The following MEIS2 variants were observed in gnomAD, a reference collection of about 807,000 sequenced individuals.
MEIS2 encodes the protein homeobox protein Meis2.
A neutral mutation model predicts 58.6 loss-of-function variants in MEIS2; 9 were observed. The observed-to-expected ratio is 0.15, with a 90% CI of 0.09 to 0.27. The LOEUF (loss-of-function observed/expected upper bound fraction) is 0.27. Among genes scored for constraint, MEIS2 ranks in the 10% least tolerant of loss-of-function variants. The pLI, the probability that MEIS2 is intolerant of heterozygous loss-of-function variation, is 1.00. For missense variants in MEIS2, 427 were observed against 635.0 expected (o/e 0.67, Z 3.52); for synonymous variants, 221 against 228.4 (o/e 0.97, Z 0.29).
chr15:37,088,026 A>G (rs1048662741), intron 6 of MEIS2, among the ~76,000 whole-genome samples: 8 of 152,218 alleles, frequency 5.3e-5, no homozygotes, highest in African/African-American at 1.9e-4. Context: ...TGAAAAGGCA[A>G]TGCAGTGGAC....
intron 8 of MEIS2, among the ~76,000 whole-genome samples, chr15:36,983,934 C>A (rs1054252259): frequency 2.6e-5 from 4 of 151,628 alleles, no homozygotes; most frequent in Admixed American, 6.6e-5. Context: ...ATTTCTTTCT[C>A]TGTTCCTTGT....
chr15:37,022,801 C>T (rs568981392), intron 8 of MEIS2, among the ~76,000 whole-genome samples: 21 of 152,126 alleles, frequency 1.4e-4, no homozygotes, highest in South Asian at 8.3e-4. Context: ...GGACTACAGG[C>T]GCCTGCCAGA....
intron 8 of MEIS2, among the ~76,000 whole-genome samples, chr15:36,965,226 A>G (rs1255313966): frequency 6.6e-6 from 1 of 152,210 alleles, no homozygotes; most frequent in African/African-American, 2.4e-5. Context: ...AACTTTGGAT[A>G]TGAAAACATT....
At chr15:37,016,314 T>C (rs1013394254) in intron 8 of MEIS2, among the ~76,000 whole-genome samples, 1 of 141,768 alleles carries the variant, frequency 7.1e-6, no homozygotes, top group Non-Finnish European at 1.5e-5. Flanking sequence ...CAGTTTTTGT[T>C]CTTTTTTCTA....
rs945635457 is a variant in MEIS2, at chr15:36,897,900, T to A, written c.978-1214A>T. ...TGAAATTAGCCAGAAAAATTCAGTG[T>A]GTGCTGGCAGCTCTGTGTTCCGAGG... On this transcript the variant is annotated intron_variant, in intron 9 of 11. Coordinates refer to ENST00000561208, the MANE Select transcript of MEIS2 (RefSeq NM_170675.5). The A allele has an allele frequency of 2.1e-4, 32 of 152,188 alleles. 1 individual carries two copies. Among genetic ancestry groups the A allele is most frequent in the Non-Finnish European group, 2.9e-5 (2 of 68,050 alleles). The allele number at this position is 152,188 out of a possible 1,614,324, so 9.4% of individuals were successfully genotyped here. A position where few individuals can be genotyped will look rare whatever the true frequency, so the allele number is the denominator to read the frequency against.
intron 8 of MEIS2, among the ~76,000 whole-genome samples, chr15:36,984,333 T>C (rs2060026755): frequency 6.6e-6 from 1 of 152,068 alleles, no homozygotes; most frequent in Non-Finnish European, 1.5e-5. Flanking sequence ...TACTTCTTCT[T>C]TATCTACTGA....
At chr15:37,091,259 C>A (rs1251105597) in intron 6 of MEIS2, among the ~76,000 whole-genome samples, 1 of 152,110 alleles carries the variant, frequency 6.6e-6, no homozygotes, top group East Asian at 1.9e-4. Flanking sequence ...ACCTATGGTA[C>A]AAAAGTCTCA....
Position 37,085,131 on chromosome 15 carries a change from CCAAT to C in MEIS2, c.640-1250_640-1247del, listed in dbSNP as rs5811965. On this transcript the variant is annotated intron_variant, in intron 6 of 11. Transcript: ENST00000561208. The stretch of plus-strand genomic sequence containing the variant: ...CCAATCGAAGTATACAAATTATACA[CCAAT>C]CAAAGTATACAAAGTATATCACTAA... Among the ~76,000 whole-genome samples, 363 of 151,932 alleles carry C rather than the reference CCAAT, an allele frequency of 2.4e-3. 3 individuals are homozygous for C. Among genetic ancestry groups the C allele is most frequent in the African/African-American group, 8.4e-3 (347 of 41,416 alleles).
chr15:36,892,246 G>A lies in MEIS2; in HGVS notation c.1361C>T (p.Ala454Val), dbSNP rs763133151. 3.1e-6 allele frequency: 5 copies of A among 1,614,132 alleles called. No homozygotes were observed. In the South Asian group the frequency reaches 4.4e-5, roughly 14 times the overall value. Reference protein sequence around the residue: ...PPTHPGMTMSAQSPTMLNSVD... With the variant: ...PPTHPGMTMSVQSPTMLNSVD... ...AGAATTTAACATTGTGGGGCTCTGT[G>A]CTGACATAGTCATTCCAGGGTGGGT... The change falls in exon 12 of 12, where the codon GCA (alanine) becomes GTA (valine). Residue 454 changes from alanine (A) to valine (V), a missense_variant. Transcript: ENST00000561208.
At chr15:36,986,827 T>C (rs1178925321) in intron 8 of MEIS2, among the ~76,000 whole-genome samples, 1 of 152,232 alleles carries the variant, frequency 6.6e-6, no homozygotes, top group Admixed American at 6.5e-5. Context: ...AATGTCCCTT[T>C]CACCAAATGC....
Position 37,029,802 on chromosome 15 carries a change from G to T in MEIS2, c.900+7012C>A, listed in dbSNP as rs563827063. Among the ~76,000 whole-genome samples, 40 of 152,278 alleles carry T rather than the reference G, an allele frequency of 2.6e-4. No individual in the cohort carries two copies. The South Asian group carries it at 8.3e-3, about 32-fold the overall frequency. On this transcript the variant is annotated intron_variant, in intron 8 of 11. Transcript: ENST00000561208. The stretch of plus-strand genomic sequence containing the variant: ...TGATGGTAAGAAATAGGTTCAGAGA[G>T]GTTGAATAATATCACAGAGTTCACA...
chr15:37,069,031 G>A (rs1258956132), intron 7 of MEIS2, among the ~76,000 whole-genome samples: 9 of 152,088 alleles, frequency 5.9e-5, no homozygotes, highest in South Asian at 2.1e-4. Context: ...CATTATTTTT[G>A]CTGTAATTTT....
At chr15:37,007,214 G>A (rs1447871638) in intron 8 of MEIS2, among the ~76,000 whole-genome samples, 1 of 152,132 alleles carries the variant, frequency 6.6e-6, no homozygotes, top group Non-Finnish European at 1.5e-5. Flanking sequence ...TTTGCTAGAG[G>A]CTTCTGGGAA....
intron 8 of MEIS2, among the ~76,000 whole-genome samples, chr15:37,020,150 A>T (rs2061475507): frequency 3.9e-5 from 6 of 152,240 alleles, no homozygotes; most frequent in Admixed American, 2.6e-4. Context: ...GCTCGCTGTG[A>T]ATTATGAATC....
At chr15:37,045,441 C>T (rs1305249133) in intron 7 of MEIS2, among the ~76,000 whole-genome samples, 1 of 151,474 alleles carries the variant, frequency 6.6e-6, no homozygotes, top group East Asian at 1.9e-4. Flanking sequence ...TTTAGGGCAC[C>T]CCACTGAGAA....
At chr15:36,994,803 T>G (rs1377164610) in intron 8 of MEIS2, among the ~76,000 whole-genome samples, 1 of 152,198 alleles carries the variant, frequency 6.6e-6, no homozygotes, top group Non-Finnish European at 1.5e-5. Context: ...CCTTTTAAAG[T>G]GCGTTTTTTC....
Position 37,036,816 on chromosome 15 carries a change from T to C in MEIS2, c.898A>G (p.Thr300Ala). Residue 300 changes from threonine (T) to alanine (A), a missense_variant and splice_region_variant, in exon 8 of 12, where the codon ACA (threonine) becomes GCA (alanine). Coordinates refer to ENST00000561208, the MANE Select transcript of MEIS2 (RefSeq NM_170675.5). ...IMRAWLFQHL[T>A]HPYPSEEQKK... is the part of the protein sequence containing the mutation. ...TTTTCTCTTTCATCTTGACTTACTG[T>C]GAGATGCTGGAAGAGCCATGCTCTC... The C allele has an allele frequency of 6.2e-7, 1 of 1,610,720 alleles. No homozygotes were observed. Among genetic ancestry groups the C allele is most frequent in the Non-Finnish European group, 8.5e-7 (1 of 1,178,496 alleles).
chr15:37,047,246 C>T (rs908890102), intron 7 of MEIS2, among the ~76,000 whole-genome samples: 3 of 152,048 alleles, frequency 2.0e-5, no homozygotes, highest in African/African-American at 7.2e-5. Context: ...CACTCAAGTC[C>T]CAGCTCTCAA....
chr15:37,079,279 T>C (rs1891876135), intron 7 of MEIS2, among the ~76,000 whole-genome samples: 1 of 152,168 alleles, frequency 6.6e-6, no homozygotes, highest in Non-Finnish European at 1.5e-5. Context: ...GTATTTATCA[T>C]AACAGTAAGT....
Sources: allele counts gnomAD v4.1 joint callset (sites outside exome capture counted in the v4.1 genomes callset), GRCh38; gene constraint gnomAD v4.1.1; transcripts MANE v1.5; gene names NCBI Gene and HGNC (gene_info 2026-07-23, HGNC 2026-07-21).